TMPRSS15: variants seen among roughly 807,000 people sequenced by gnomAD.
TMPRSS15 encodes the protein enteropeptidase.
In TMPRSS15, 128 loss-of-function variants were observed where a neutral mutation model predicts 125.3. The observed-to-expected ratio is 1.02, with a 90% confidence interval of 0.89 to 1.18. The LOEUF is 1.18. Ranked by LOEUF, TMPRSS15 falls within the 50% of genes most tolerant of loss-of-function variation. TMPRSS15 has a pLI of 0.00. For missense variants in TMPRSS15, 1,283 were observed against 1,212.7 expected, an observed-to-expected ratio of 1.06 and a Z score of -0.86; for synonymous variants, 446 against 423.2, an observed-to-expected ratio of 1.05 and a Z score of -0.66.
At chr21:18,313,349 C>CTATA (rs145916814) in intron 17 of TMPRSS15, among the ~76,000 whole-genome samples, 1,820 of 149,420 alleles carry the variant, frequency 0.012, 28 homozygotes, top group Admixed American at 0.037. Flanking sequence ...CTCTCTCTCT[C>CTATA]TATATATATA....
chr21:18,309,590 C>CA (rs990972218), intron 18 of TMPRSS15, among the ~76,000 whole-genome samples: 40 of 151,934 alleles, frequency 2.6e-4, no homozygotes, highest in African/African-American at 9.6e-4. Flanking sequence ...AAGAAAAAAA[C>CA]AAACAACCCC....
intron 13 of TMPRSS15, among the ~76,000 whole-genome samples, chr21:18,335,451 T>G (rs2824746): frequency 0.84 from 128,422 of 152,180 alleles, 54,439 homozygotes; most frequent in Non-Finnish European, 0.87. Context: ...AAGATGAGTA[T>G]GTAGGATGTT....
rs369654215 is a variant in TMPRSS15, at chr21:18,387,596, TACACAC to T, written c.345-3824_345-3819del. ...CCATTGGCTTACCCTGAAGAGTAGC[TACACAC>T]ACACACACATACACACACACACACA... On this transcript the variant is annotated intron_variant, in intron 3 of 24. Transcript: ENST00000284885. Among the ~76,000 whole-genome samples the T allele has an allele frequency of 6.6e-4, 88 of 132,888 alleles. 1 individual carries two copies. Among genetic ancestry groups the T allele is most frequent in the African/African-American group, 2.5e-3 (84 of 33,556 alleles). 87.2% of individuals were successfully genotyped at this position (132,888 alleles called of 152,430 possible).
At chr21:18,288,566 T>G (rs967172031) in intron 21 of TMPRSS15, among the ~76,000 whole-genome samples, 8 of 141,502 alleles carry the variant, frequency 5.7e-5, no homozygotes, top group Non-Finnish European at 1.1e-4. Context: ...GATGGAGTGT[T>G]GTGTTGCTCT....
intron 21 of TMPRSS15, 111 bp downstream of exon 21, chr21:18,294,159 C>T: frequency 7.9e-7 from 1 of 1,262,096 alleles, no homozygotes; most frequent in Non-Finnish European, 1.1e-6. Context: ...ATGTCATAAA[C>T]AGCAGGATTT....
At chr21:18,393,166 A>G (rs1309288245) in intron 3 of TMPRSS15, among the ~76,000 whole-genome samples, 2 of 152,178 alleles carry the variant, frequency 1.3e-5, no homozygotes, top group African/African-American at 4.8e-5. Flanking sequence ...GCCATGCAGT[A>G]CACCTGCATT....
chr21:18,279,311 CTTTTTTTTTTT>C (rs71189593), intron 22 of TMPRSS15, among the ~76,000 whole-genome samples: 182 of 41,094 alleles, frequency 4.4e-3, no homozygotes, highest in Non-Finnish European at 7.5e-3. Flanking sequence ...CCTCGTTACT[CTTTTTTTTTTT>C]TTTTTTTTTT....
intron 1 of TMPRSS15, among the ~76,000 whole-genome samples, chr21:18,431,123 C>T (rs75796301): frequency 0.052 from 7,847 of 152,116 alleles, 383 homozygotes; most frequent in African/African-American, 0.11. Context: ...GCTGTAAAGT[C>T]TCCCAGTAAA....
At chr21:18,375,633 A>G (rs1271914048) in intron 5 of TMPRSS15, among the ~76,000 whole-genome samples, 1 of 152,202 alleles carries the variant, frequency 6.6e-6, no homozygotes, top group African/African-American at 2.4e-5. Flanking sequence ...TCTGTAATCT[A>G]TGTGGTATTT....
intron 3 of TMPRSS15, among the ~76,000 whole-genome samples, chr21:18,391,930 T>C (rs2075994007): frequency 6.6e-6 from 1 of 152,210 alleles, no homozygotes; most frequent in Non-Finnish European, 1.5e-5. Context: ...AGTGTAGAGC[T>C]TGCACCCTCT....
chr21:18,320,914 C>T (rs74721289), intron 16 of TMPRSS15, among the ~76,000 whole-genome samples: 62 of 152,268 alleles, frequency 4.1e-4, no homozygotes, highest in African/African-American at 1.4e-3. Context: ...AGAAATATTG[C>T]TAAGAATTGA....
At chr21:18,358,236 GC>G (rs1261972453) in intron 8 of TMPRSS15, among the ~76,000 whole-genome samples, 1 of 151,648 alleles carries the variant, frequency 6.6e-6, no homozygotes, top group Non-Finnish European at 1.5e-5. Context: ...CACTTATTCA[GC>G]CCTCAACCTC....
Position 18,325,612 on chromosome 21 carries a change from CT to C in TMPRSS15, c.1921+819del, listed in dbSNP as rs1282715509. Among the ~76,000 whole-genome samples, 10 of 151,794 alleles carry C rather than the reference CT, an allele frequency of 6.6e-5. No individual in the cohort carries two copies. The South Asian group carries it at 1.9e-3, about 28-fold the overall frequency. On this transcript the variant is annotated intron_variant, in intron 16 of 24. Transcript: ENST00000284885. ...ATCAATTCCATAAATATTTCTCTTC[CT>C]ATGGAAGAGAAAGAGAGATGTAGGA...
At chr21:18,348,321 C>T (rs545094968) in intron 10 of TMPRSS15, among the ~76,000 whole-genome samples, 1 of 152,226 alleles carries the variant, frequency 6.6e-6, no homozygotes, top group South Asian at 2.1e-4. Flanking sequence ...TGAATTGAAC[C>T]TAGTCTCTCT....
intron 3 of TMPRSS15, among the ~76,000 whole-genome samples, chr21:18,387,944 T>A (rs1489216682): frequency 1.3e-5 from 2 of 152,270 alleles, no homozygotes; most frequent in East Asian, 3.9e-4. Flanking sequence ...ATAAAGTTAA[T>A]AATGAGTCTT....
rs1351297339 is a variant in TMPRSS15 at position 18,360,733 on chromosome 21, T to C, written c.774-870A>G. ...AGGAAGTGTGAGACCCCAGGTTTGT[T>C]ATTTTTTCAGTTTGTTCTGGCTATT... On this transcript the variant is annotated intron_variant, in intron 7 of 24. Coordinates refer to ENST00000284885, the MANE Select transcript of TMPRSS15 (RefSeq NM_002772.3). Among the ~76,000 whole-genome samples the C allele has an allele frequency of 2.0e-5, 3 of 152,152 alleles. No individual in the cohort carries two copies. In the East Asian group the frequency reaches 5.8e-4, roughly 29 times the overall value.
rs572339308 is a variant in TMPRSS15, at chr21:18,284,583, A to G, written c.2487-3362T>C. On this transcript the variant is annotated intron_variant, in intron 21 of 24. Transcript: ENST00000284885. ...AAGAGATGGGACTTTTTATGTTTTTAAAATCTGGTCTCAAAGCATCTCTTT... is the reference window on the plus strand; with the variant it reads ...AAGAGATGGGACTTTTTATGTTTTTGAAATCTGGTCTCAAAGCATCTCTTT... Among the ~76,000 whole-genome samples, 5 of 152,184 alleles carry G rather than the reference A, an allele frequency of 3.3e-5. No homozygotes were observed. The South Asian group carries it at 6.2e-4, about 19-fold the overall frequency.
rs1474016888 is a variant in TMPRSS15 at position 18,435,741 on chromosome 21, G to A, written c.11-37412C>T. The stretch of plus-strand genomic sequence containing the variant: ...CTCCTTGTACCTCTGGTAGAATTCG[G>A]CTGTGAATCCATCTGGTCCTGGACT... On this transcript the variant is annotated intron_variant, in intron 1 of 7. Coordinates refer to the TMPRSS15 transcript ENST00000422787. 5.3e-5 allele frequency among the ~76,000 whole-genome samples: 8 copies of A among 152,110 alleles called. No individual in the cohort carries two copies. The East Asian group carries it at 1.5e-3, about 29-fold the overall frequency.
At chr21:18,316,844 G>T (rs2824734) in intron 16 of TMPRSS15, among the ~76,000 whole-genome samples, 50,279 of 151,890 alleles carry the variant, frequency 0.33, 8,499 homozygotes, top group East Asian at 0.56. Context: ...AGTGCTTTCT[G>T]ATTATGGCTT....
Sources: allele counts gnomAD v4.1 joint callset (sites outside exome capture counted in the v4.1 genomes callset), GRCh38; gene constraint gnomAD v4.1.1; transcripts MANE v1.5; gene names NCBI Gene and HGNC (gene_info 2026-07-23, HGNC 2026-07-21).